Variants in CSMD1 observed in about 807,000 individuals in gnomAD.
CSMD1 encodes CUB and Sushi multiple domains 1, also known as CUB and sushi domain-containing protein 1.
Under a neutral mutation model 417.5 loss-of-function variants are expected in CSMD1, and 213 were observed. The ratio of observed to expected loss-of-function variants is 0.51; its 90% confidence interval spans 0.46 to 0.57. CSMD1 has a LOEUF of 0.57. Ranked by LOEUF, CSMD1 falls within the 20% of genes least tolerant of loss-of-function variation. CSMD1 has a pLI of 0.00. For missense variants in CSMD1, 6,923 were observed against 4,529.7 expected (o/e 1.53, Z -15.17); for synonymous variants, 2,862 against 1,736.8 (o/e 1.65, Z -16.11).
intron 1 of CSMD1, among the ~76,000 whole-genome samples, chr8:4,667,232 A>G (rs891499452): frequency 2.6e-5 from 4 of 152,144 alleles, no homozygotes; most frequent in South Asian, 2.1e-4. Context: ...ATGTTTTCCA[A>G]TACCACAGTC....
At chr8:4,698,098 T>A (rs1175264392) in intron 1 of CSMD1, among the ~76,000 whole-genome samples, 2 of 151,134 alleles carry the variant, frequency 1.3e-5, no homozygotes, top group Non-Finnish European at 2.9e-5. Context: ...TATAAATGAA[T>A]TCCCAAATCT....
chr8:3,653,092 C>G (rs1431507459), intron 7 of CSMD1, among the ~76,000 whole-genome samples: 1 of 152,142 alleles, frequency 6.6e-6, no homozygotes, highest in Non-Finnish European at 1.5e-5. Context: ...CAACGTCATG[C>G]TTCCAGCCTC....
At chr8:3,570,010 C>T (rs886741954) in intron 10 of CSMD1, among the ~76,000 whole-genome samples, 4 of 152,006 alleles carry the variant, frequency 2.6e-5, no homozygotes, top group Non-Finnish European at 4.4e-5. Flanking sequence ...ACAATGTCTG[C>T]ATAAGTGTAC....
intron 41 of CSMD1, chr8:3,127,891 G>GAAT (rs1817589855): frequency 7.0e-6 from 1 of 143,614 alleles, no homozygotes; most frequent in Non-Finnish European, 1.5e-5. Context: ...AGGGAGGGAG[G>GAAT]GAGGAATGAA....
chr8:3,055,984 G>C (rs1303411544), intron 49 of CSMD1, among the ~76,000 whole-genome samples: 4 of 152,148 alleles, frequency 2.6e-5, no homozygotes, highest in Admixed American at 1.3e-4. Flanking sequence ...ACACGACATA[G>C]GCATTCAATC....
At chr8:4,262,294 C>T (rs1301358332) in intron 3 of CSMD1, among the ~76,000 whole-genome samples, 1 of 152,130 alleles carries the variant, frequency 6.6e-6, no homozygotes, top group Non-Finnish European at 1.5e-5. Flanking sequence ...TCCTTTCTTG[C>T]TGCCAGGCGT....
chr8:4,633,610 G>T (rs936622132), intron 2 of CSMD1, among the ~76,000 whole-genome samples: 2 of 151,962 alleles, frequency 1.3e-5, no homozygotes, highest in Non-Finnish European at 2.9e-5. Flanking sequence ...AGGCTGGAGT[G>T]CAGTGGCATG....
At chr8:4,373,586 A>G (rs1341692629) in intron 3 of CSMD1, among the ~76,000 whole-genome samples, 2 of 152,054 alleles carry the variant, frequency 1.3e-5, no homozygotes, top group African/African-American at 4.8e-5. Flanking sequence ...ATCTTATTTA[A>G]TTTTCCTATG....
chr8:3,375,609 T>TG (rs1267085351), intron 18 of CSMD1, among the ~76,000 whole-genome samples: 1 of 152,130 alleles, frequency 6.6e-6, no homozygotes, highest in Non-Finnish European at 1.5e-5. Context: ...AATAGAAACT[T>TG]TCCACCAAAA....
At chr8:3,286,387 C>G (rs940833170) in intron 25 of CSMD1, among the ~76,000 whole-genome samples, 3 of 152,004 alleles carry the variant, frequency 2.0e-5, no homozygotes, top group Non-Finnish European at 4.4e-5. Context: ...TTCTAGATCC[C>G]TGAGGAATGG....
intron 3 of CSMD1, among the ~76,000 whole-genome samples, chr8:4,126,884 T>C (rs1005423833): frequency 6.6e-6 from 1 of 152,120 alleles, no homozygotes; most frequent in Non-Finnish European, 1.5e-5. Context: ...AGCATCTGTC[T>C]CCTGGGAATG....
At chr8:4,319,146 G>C (rs1389071636) in intron 3 of CSMD1, among the ~76,000 whole-genome samples, 1 of 151,926 alleles carries the variant, frequency 6.6e-6, no homozygotes, top group Non-Finnish European at 1.5e-5. Flanking sequence ...ATCAAAATTG[G>C]GAAAATACCT....
chr8:3,929,434 G>C (rs1476871005), intron 5 of CSMD1, among the ~76,000 whole-genome samples: 1 of 150,434 alleles, frequency 6.6e-6, no homozygotes, highest in African/African-American at 2.5e-5. Flanking sequence ...TGAGAAGTGG[G>C]TCCAAAAGCT....
At chr8:3,886,198 C>T (rs1430568237) in intron 5 of CSMD1, among the ~76,000 whole-genome samples, 1 of 152,044 alleles carries the variant, frequency 6.6e-6, no homozygotes, top group South Asian at 2.1e-4. Flanking sequence ...TACAGGTGTC[C>T]ACCACCATGC....
Position 4,496,155 on chromosome 8 carries a change from T to G in CSMD1, c.303-76090A>C, listed in dbSNP as rs572715055. ...TAGTTTTGTCGACTCGCAATTCCTT[T>G]GAAACCATACTATGAAGAGAAAATT... On this transcript the variant is annotated intron_variant, in intron 2 of 69. Transcript: ENST00000635120. Among the ~76,000 whole-genome samples, 60 of 152,340 alleles carry G rather than the reference T, an allele frequency of 3.9e-4. No homozygotes were observed. The East Asian group carries it at 0.01, about 26-fold the overall frequency.
chr8:3,965,742 C>T (rs941721040), intron 5 of CSMD1, among the ~76,000 whole-genome samples: 1 of 152,060 alleles, frequency 6.6e-6, no homozygotes, highest in African/African-American at 2.4e-5. Context: ...CTCAGCCTCC[C>T]GAGTAGCTGG....
intron 2 of CSMD1, among the ~76,000 whole-genome samples, chr8:4,494,902 G>A (rs992752280): frequency 1.3e-5 from 2 of 151,798 alleles, no homozygotes; most frequent in Admixed American, 6.6e-5. Context: ...TCATTGTTAG[G>A]ACAAATTGAA....
chr8:3,386,464 C>T (rs1461685915), intron 18 of CSMD1, among the ~76,000 whole-genome samples: 2 of 152,200 alleles, frequency 1.3e-5, no homozygotes, highest in South Asian at 4.1e-4. Flanking sequence ...GTGGTCTCGG[C>T]CACAGTGCCA....
At chr8:4,037,380 G>C (rs1255059128) in intron 3 of CSMD1, among the ~76,000 whole-genome samples, 3 of 152,218 alleles carry the variant, frequency 2.0e-5, no homozygotes, top group Non-Finnish European at 4.4e-5. Flanking sequence ...ATGGCCATCA[G>C]CTCCACGCAA....
Sources: gnomAD v4.1 joint callset for allele counts (sites outside exome capture counted in the v4.1 genomes callset) on GRCh38, gnomAD v4.1.1 for gene constraint, MANE v1.5 for transcripts, NCBI Gene and HGNC (gene_info 2026-07-23, HGNC 2026-07-21) for gene names.